The following NFILZ variants were observed in gnomAD, a reference collection of about 807,000 sequenced individuals.
NFILZ encodes the protein NFIL3 like protein.
chr19:8,637,544 T>G (rs1373869350), intron 3 of NFILZ, among the ~76,000 whole-genome samples: 1 of 127,250 alleles, frequency 7.9e-6, no homozygotes, highest in Non-Finnish European at 1.7e-5. Context: ...ACTGGGGAGG[T>G]GGAGGTTGCA....
chr19:8,639,892 C>G (rs1274473943), intron 3 of NFILZ, among the ~76,000 whole-genome samples: 8 of 152,128 alleles, frequency 5.3e-5, no homozygotes, highest in African/African-American at 1.9e-4. Context: ...AAGAATCTCT[C>G]TAACACTATT....
chr19:8,647,516 G>C (rs983325243), intron 3 of NFILZ, among the ~76,000 whole-genome samples: 4 of 151,658 alleles, frequency 2.6e-5, no homozygotes, highest in Non-Finnish European at 5.9e-5. Context: ...AGGTTGCAGT[G>C]AGCCGAGATC....
At chr19:8,656,274 C>A (rs990723285) in intron 3 of NFILZ, among the ~76,000 whole-genome samples, 1 of 123,352 alleles carries the variant, frequency 8.1e-6, no homozygotes. Flanking sequence ...CTCTCTGAAG[C>A]CCACCTTCTC....
rs11671786 is a variant in NFILZ at position 8,644,718 on chromosome 19, G to A, written c.-164+8972G>A. On this transcript the variant is annotated intron_variant, in intron 3 of 5. Transcript: ENST00000691075. ...TGGGCTCAAGCAATCCTTCTGCCTC[G>A]GCCTCCTAAAGTGCTGAGATTACAC... is the stretch of plus-strand genomic sequence containing the variant. Among the ~76,000 whole-genome samples the A allele has an allele frequency of 3.2e-3, 479 of 151,284 alleles. 3 individuals are homozygous for A. The highest frequency in any genetic ancestry group is 5.5e-3 in the Non-Finnish European group (370 of 67,830).
chr19:8,634,058 C>T (rs1039017436), intron 2 of NFILZ, among the ~76,000 whole-genome samples: 12 of 151,076 alleles, frequency 7.9e-5, no homozygotes, highest in East Asian at 1.9e-4. Flanking sequence ...AGTACGGTGG[C>T]GCCATCTCGG....
chr19:8,656,310 G>C (rs77147619), intron 3 of NFILZ, among the ~76,000 whole-genome samples: 13,184 of 35,728 alleles, frequency 0.37, 1,713 homozygotes, highest in South Asian at 0.43. Context: ...CTCCCGCAGC[G>C]CACCTCCTCC....
intron 4 of NFILZ, among the ~76,000 whole-genome samples, chr19:8,675,476 T>A (rs541154785): frequency 6.6e-6 from 1 of 152,332 alleles, no homozygotes; most frequent in Non-Finnish European, 1.5e-5. Context: ...CCCTAGGGGT[T>A]GGGAATCTAA....
In NFILZ at chr19:8,670,288, G is replaced by T. The variant is rs187615131; in HGVS notation, c.-163-4263G>T. On this transcript the variant is annotated intron_variant, in intron 3 of 5. Transcript: ENST00000691075. ...GGCTAATTTTTGTATTTTTTGTAGA[G>T]ACATGGTTTCATCATGTTGCCCAGG... 1.8e-3 allele frequency among the ~76,000 whole-genome samples: 272 copies of T among 152,160 alleles called. 3 individuals are homozygous for T. Among genetic ancestry groups the T allele is most frequent in the African/African-American group, 6.2e-3 (257 of 41,498 alleles).
intron 3 of NFILZ, among the ~76,000 whole-genome samples, chr19:8,653,164 C>A (rs1387505586): frequency 1.3e-5 from 2 of 151,264 alleles, no homozygotes; most frequent in Non-Finnish European, 2.9e-5. Flanking sequence ...TCACTGCAAC[C>A]TTCGCCTCCC....
chr19:8,667,028 G>A (rs1428706311), intron 3 of NFILZ, among the ~76,000 whole-genome samples: 2 of 151,646 alleles, frequency 1.3e-5, no homozygotes, highest in Non-Finnish European at 2.9e-5. Flanking sequence ...GGCATTACAG[G>A]TGTGAGCCAC....
At chr19:8,671,055 A>G (rs1394973705) in intron 3 of NFILZ, among the ~76,000 whole-genome samples, 1 of 151,734 alleles carries the variant, frequency 6.6e-6, no homozygotes, top group East Asian at 1.9e-4. Flanking sequence ...AGCAGGCCAC[A>G]TGGTGTGGCA....
intron 3 of NFILZ, among the ~76,000 whole-genome samples, chr19:8,669,628 T>G (rs2043078126): frequency 6.6e-6 from 1 of 152,172 alleles, no homozygotes; most frequent in Non-Finnish European, 1.5e-5. Flanking sequence ...CAAAACTGTG[T>G]CCTCACTGAA....
chr19:8,663,060 G>A (rs571012601), intron 3 of NFILZ, among the ~76,000 whole-genome samples: 3 of 151,680 alleles, frequency 2.0e-5, no homozygotes, highest in Non-Finnish European at 2.9e-5. Flanking sequence ...CGATCCTCAC[G>A]CCTCAGCCTC....
chr19:8,676,065 G>C (rs1555750685), intron 4 of NFILZ, among the ~76,000 whole-genome samples: 2 of 152,172 alleles, frequency 1.3e-5, no homozygotes, highest in Non-Finnish European at 2.9e-5. Flanking sequence ...CAATGAAATG[G>C]GGAGATGGGT....
intron 3 of NFILZ, among the ~76,000 whole-genome samples, chr19:8,653,022 TTCTTTCTTTCTTTCTTTCTCTCTCTC>T (rs2042974495): frequency 1.9e-5 from 1 of 53,774 alleles, no homozygotes; most frequent in African/African-American, 7.3e-5. Context: ...CTTTCTTTCT[TTCTTTCTTTCTTTCTTTCTCTCTCTC>T]TCTCTCTCTC....
chr19:8,672,597 C>G, intron 3 of NFILZ, among the ~76,000 whole-genome samples: 1 of 137,490 alleles, frequency 7.3e-6, no homozygotes, highest in South Asian at 2.4e-4. Flanking sequence ...TTTATTAATT[C>G]AAAAAAATCC....
intron 3 of NFILZ, among the ~76,000 whole-genome samples, chr19:8,658,573 AG>A (rs1200409778): frequency 1.3e-5 from 2 of 152,124 alleles, no homozygotes; most frequent in Non-Finnish European, 2.9e-5. Flanking sequence ...GGAGCTGCAC[AG>A]GACAAGTGAG....
At chr19:8,657,782 C>T (rs1047999168) in intron 3 of NFILZ, among the ~76,000 whole-genome samples, 7 of 152,128 alleles carry the variant, frequency 4.6e-5, no homozygotes, top group South Asian at 2.1e-4. Context: ...CCTGCTCAGA[C>T]GGGGAGAGGA....
chr19:8,678,516 CCATT>C lies in NFILZ; in HGVS notation c.*885_*888del, dbSNP rs1302651798. 6.7e-6 allele frequency among the ~76,000 whole-genome samples: 1 copy of C among 150,342 alleles called. No homozygotes were observed. Among genetic ancestry groups the C allele is most frequent in the Non-Finnish European group, 1.5e-5 (1 of 67,608 alleles). ...TCCATTTTCCCATCCACACACCTAT[CCATT>C]CATCCATTCATACATCAATTTATTC... On this transcript the variant is annotated 3_prime_UTR_variant, in exon 6 of 6. Transcript: ENST00000691075.
Sources: allele counts gnomAD v4.1 joint callset (sites outside exome capture counted in the v4.1 genomes callset), GRCh38; gene constraint gnomAD v4.1.1; transcripts MANE v1.5; gene names NCBI Gene and HGNC (gene_info 2026-07-23, HGNC 2026-07-21).